TLN2: variants seen among roughly 807,000 people sequenced by gnomAD.
TLN2 encodes the protein talin 2.
In TLN2, 118 loss-of-function variants were observed where a neutral mutation model predicts 294.7. The observed-to-expected ratio is 0.40, with a 90% CI of 0.34 to 0.47. The LOEUF (loss-of-function observed/expected upper bound fraction) is 0.47, where lower values mean the gene tolerates loss of function less well. Ranked by LOEUF, TLN2 falls within the 20% of genes least tolerant of loss-of-function variation. TLN2 has a pLI of 0.84. For missense variants in TLN2, 3,083 were observed against 3,282.2 expected, an observed-to-expected ratio of 0.94 and a Z score of 1.48; for synonymous variants, 1,431 against 1,304.5, an observed-to-expected ratio of 1.10 and a Z score of -2.09.
chr15:62,733,248 G>A (rs976493414), intron 28 of TLN2, among the ~76,000 whole-genome samples: 2 of 152,216 alleles, frequency 1.3e-5, no homozygotes, highest in African/African-American at 2.4e-5. Flanking sequence ...AGAAAGTCAT[G>A]TCAAATGGGA....
At chr15:62,783,912 A>AT (rs754110376) in intron 45 of TLN2, 22 bp downstream of exon 45, 2 of 1,613,154 alleles carry the variant, frequency 1.2e-6, no homozygotes, top group East Asian at 2.2e-5. Context: ...TAAGACCCCT[A>AT]TTTTAAGATG....
intron 18 of TLN2, 28 bp downstream of exon 18, chr15:62,702,228 A>G: frequency 6.4e-7 from 1 of 1,552,580 alleles, no homozygotes; most frequent in Non-Finnish European, 8.7e-7. Context: ...GCAATCACTC[A>G]GGTTCTGATG....
At chr15:62,745,411 T>G (rs1023961750) in intron 32 of TLN2, among the ~76,000 whole-genome samples, 1 of 152,216 alleles carries the variant, frequency 6.6e-6, no homozygotes, top group Non-Finnish European at 1.5e-5. Flanking sequence ...TTGGCCAGAT[T>G]TTTTGTGATA....
intron 9 of TLN2, among the ~76,000 whole-genome samples, chr15:62,658,612 G>A (rs1313145144): frequency 6.6e-6 from 1 of 152,150 alleles, no homozygotes; most frequent in East Asian, 1.9e-4. Flanking sequence ...GTGAGCCTGA[G>A]GCTGAGGACG....
chr15:62,663,753 A>G (rs2054191137), intron 9 of TLN2, among the ~76,000 whole-genome samples: 1 of 152,010 alleles, frequency 6.6e-6, no homozygotes, highest in Admixed American at 6.5e-5. Context: ...AAATGATAAA[A>G]GTTTATTGAG....
At chr15:62,726,442 T>G (rs1287629609) in intron 27 of TLN2, among the ~76,000 whole-genome samples, 2 of 152,222 alleles carry the variant, frequency 1.3e-5, no homozygotes, top group Admixed American at 6.5e-5. Flanking sequence ...AGGCCTTTAC[T>G]GACTTCGTTC....
intron 1 of TLN2, among the ~76,000 whole-genome samples, chr15:62,414,069 T>C (rs937469265): frequency 1.5e-5 from 2 of 133,186 alleles, no homozygotes; most frequent in African/African-American, 5.3e-5. Context: ...TTGGTGTCTT[T>C]CCATGTGGTT....
At position 62,689,877 on chromosome 15, in the gene TLN2, T is replaced by TTTTTTTTTTTTTTTTTTTTTTTTA. The variant is rs71131119; in HGVS notation, c.1114-2963_1114-2962insTTTTTTTTTTTTTTTTTTTTTTTA. 2.7e-3 allele frequency among the ~76,000 whole-genome samples: 27 copies of TTTTTTTTTTTTTTTTTTTTTTTTA among 9,848 alleles called. 12 individuals are homozygous for TTTTTTTTTTTTTTTTTTTTTTTTA. The highest frequency in any genetic ancestry group is 6.1e-3 in the Non-Finnish European group (21 of 3,428). 6.5% of individuals were successfully genotyped at this position (9,848 alleles called of 152,430 possible). A position where few individuals can be genotyped will look rare whatever the true frequency, so the allele number is the denominator to read the frequency against. ...TTTTTTTTTTTTTTTTTTTTTTTTTTATTGGCTGACCCCCCTTCCTCCCTC... is the reference window on the plus strand; with the variant it reads ...TTTTTTTTTTTTTTTTTTTTTTTTTTTTTTTTTTTTTTTTTTTTTTTTTAATTGGCTGACCCCCCTTCCTCCCTC... On this transcript the variant is annotated intron_variant, in intron 12 of 58. Transcript: ENST00000636159.
intron 1 of TLN2, among the ~76,000 whole-genome samples, chr15:62,531,556 A>G (rs1389894349): frequency 4.6e-5 from 7 of 152,256 alleles, no homozygotes; most frequent in Non-Finnish European, 1.0e-4. Flanking sequence ...AGTAAATTTC[A>G]GATATTCTCA....
intron 21 of TLN2, among the ~76,000 whole-genome samples, chr15:62,709,941 G>C (rs2059317551): frequency 6.6e-6 from 1 of 151,916 alleles, no homozygotes; most frequent in Admixed American, 6.6e-5. Context: ...CACCATGTTG[G>C]CCAGGCTGGT....
rs557061496 is a variant in TLN2, at chr15:62,437,619, G to A, written c.-238+46934G>A. ...AAGAGTCATAATCATAGTACTGTGTGTCATCTGGAGCCATTCTCCTTACTG... is the reference window on the plus strand; with the variant it reads ...AAGAGTCATAATCATAGTACTGTGTATCATCTGGAGCCATTCTCCTTACTG... On this transcript the variant is annotated intron_variant, in intron 1 of 58. Coordinates refer to ENST00000636159, the MANE Select transcript of TLN2 (RefSeq NM_015059.3). 5.4e-4 allele frequency among the ~76,000 whole-genome samples: 82 copies of A among 152,134 alleles called. 1 individual carries two copies. Among genetic ancestry groups the A allele is most frequent in the Non-Finnish European group, 7.6e-4 (52 of 68,040 alleles).
chr15:62,748,495 C>T (rs1567520125), intron 33 of TLN2, 51 bp downstream of exon 33: 29 of 1,284,536 alleles, frequency 2.3e-5, no homozygotes, highest in Non-Finnish European at 3.1e-5. Flanking sequence ...GTGTCTGTGT[C>T]TGTGTGTCTG....
At chr15:62,560,572 G>A (rs938437348) in intron 1 of TLN2, among the ~76,000 whole-genome samples, 6 of 152,134 alleles carry the variant, frequency 3.9e-5, no homozygotes, top group Non-Finnish European at 5.9e-5. Context: ...AGTGATCCGC[G>A]CGCCTGGCCT....
At chr15:62,569,963 G>T (rs2043729107) in intron 1 of TLN2, among the ~76,000 whole-genome samples, 1 of 152,186 alleles carries the variant, frequency 6.6e-6, no homozygotes, top group East Asian at 1.9e-4. Flanking sequence ...TTCCCTTTCT[G>T]CCTTGTTCCG....
intron 1 of TLN2, among the ~76,000 whole-genome samples, chr15:62,439,762 A>G (rs2035459375): frequency 1.3e-5 from 2 of 152,146 alleles, no homozygotes; most frequent in Admixed American, 1.3e-4. Flanking sequence ...CCCTTTGGGT[A>G]TGCATTGTCC....
At chr15:62,658,152 C>G in intron 9 of TLN2, 1 of 226,838 alleles carries the variant, frequency 4.4e-6, no homozygotes, top group South Asian at 9.9e-5. Context: ...CCTTCTACTT[C>G]GTCTTAGTGA....
intron 21 of TLN2, among the ~76,000 whole-genome samples, chr15:62,709,338 G>A (rs2059274228): frequency 1.3e-5 from 2 of 152,166 alleles, no homozygotes; most frequent in African/African-American, 4.8e-5. Flanking sequence ...ATTTTGGCAG[G>A]CTCTAAATTA....
At chr15:62,472,962 CT>C (rs974715315) in intron 1 of TLN2, among the ~76,000 whole-genome samples, 2 of 152,162 alleles carry the variant, frequency 1.3e-5, no homozygotes, top group Non-Finnish European at 2.9e-5. Flanking sequence ...TTCTTTGCTC[CT>C]TTCTTAGCTG....
chr15:62,432,755 A>G (rs969125475), intron 1 of TLN2, among the ~76,000 whole-genome samples: 27 of 152,096 alleles, frequency 1.8e-4, no homozygotes, highest in Non-Finnish European at 2.5e-4. Flanking sequence ...CTTCGAGTAC[A>G]TGTATTTTGG....
Sources: allele counts gnomAD v4.1 joint callset (sites outside exome capture counted in the v4.1 genomes callset), GRCh38; gene constraint gnomAD v4.1.1; transcripts MANE v1.5; gene names NCBI Gene and HGNC (gene_info 2026-07-23, HGNC 2026-07-21).